STXBP4: variants seen among roughly 807,000 people sequenced by gnomAD.
STXBP4 encodes the protein syntaxin-binding protein 4.
Under a neutral mutation model 76.1 loss-of-function variants are expected in STXBP4, and 55 were observed. The observed-to-expected ratio is 0.72, with a 90% CI of 0.58 to 0.91. The LOEUF (loss-of-function observed/expected upper bound fraction) is 0.91, where lower values mean the gene tolerates loss of function less well. Among genes scored for constraint, STXBP4 ranks in the 40% least tolerant of loss-of-function variants. STXBP4 has a pLI of 0.00. For missense variants in STXBP4, 618 were observed against 636.9 expected, an observed-to-expected ratio of 0.97 and a Z score of 0.32; for synonymous variants, 201 against 220.2, an observed-to-expected ratio of 0.91 and a Z score of 0.77.
chr17:55,141,292 G>A lies in STXBP4; in HGVS notation c.1490-18G>A, dbSNP rs778170537. ...TTATCATCTTATTAAATATATTTTT[G>A]GTTTCCTTTCACTGTAGGTTTACCT... On this transcript the variant is annotated intron_variant, in intron 16 of 17. Coordinates refer to ENST00000376352, the MANE Select transcript of STXBP4 (RefSeq NM_178509.6). 6 of 1,596,474 alleles carry A rather than the reference G, an allele frequency of 3.8e-6. No individual in the cohort carries two copies. The highest frequency in any genetic ancestry group is 4.3e-6 in the Non-Finnish European group (5 of 1,168,390).
At position 54,999,349 on chromosome 17, in the gene STXBP4, G is replaced by C. The variant is rs1220990772; in HGVS notation, c.185G>C (p.Gly62Ala). The change falls in exon 5 of 18, where the codon GGT becomes GCT. Residue 62 changes from glycine (G) to alanine (A), a missense_variant. Coordinates refer to ENST00000376352, the MANE Select transcript of STXBP4 (RefSeq NM_178509.6). ...IIPGGDCYKDGRLKPGDQLVS... is the reference protein window; with the variant it reads ...IIPGGDCYKDARLKPGDQLVS... Reference sequence around the variant, plus strand: ...AAATGTTACTGTTTTTGTTAGGATGGTCGTTTGAAGCCAGGAGATCAACTT... The same window carrying C: ...AAATGTTACTGTTTTTGTTAGGATGCTCGTTTGAAGCCAGGAGATCAACTT... 1 of 1,607,154 alleles carries C rather than the reference G, an allele frequency of 6.2e-7. No individual in the cohort carries two copies.
intron 4 of STXBP4, among the ~76,000 whole-genome samples, chr17:54,994,928 C>G (rs1266163721): frequency 6.6e-6 from 1 of 151,956 alleles, no homozygotes; most frequent in Non-Finnish European, 1.5e-5. Context: ...GTGTTGCCTG[C>G]TTTCCCCCAG....
intron 15 of STXBP4, among the ~76,000 whole-genome samples, chr17:55,080,146 T>C (rs1215258318): frequency 6.6e-6 from 1 of 152,200 alleles, no homozygotes; most frequent in East Asian, 1.9e-4. Flanking sequence ...TTAAAATGAC[T>C]ATTTAAAAGC....
intron 12 of STXBP4, among the ~76,000 whole-genome samples, chr17:55,066,173 A>G (rs2079048366): frequency 6.6e-6 from 1 of 151,844 alleles, no homozygotes; most frequent in South Asian, 2.1e-4. Flanking sequence ...TGTATTTCTC[A>G]TGATGGAAAA....
intron 16 of STXBP4, among the ~76,000 whole-genome samples, chr17:55,129,149 C>CGATCT (rs1438291183): frequency 6.6e-6 from 1 of 151,210 alleles, no homozygotes; most frequent in Non-Finnish European, 1.5e-5. Flanking sequence ...AGGATGGTCT[C>CGATCT]GATCTCTTCA....
intron 15 of STXBP4, among the ~76,000 whole-genome samples, chr17:55,079,563 G>C (rs2079230704): frequency 6.9e-6 from 1 of 145,042 alleles, no homozygotes; most frequent in African/African-American, 2.6e-5. Flanking sequence ...TTTGAGACAA[G>C]GAACATAGTG....
At chr17:54,992,658 A>G (rs1484395436) in intron 4 of STXBP4, among the ~76,000 whole-genome samples, 1 of 150,402 alleles carries the variant, frequency 6.6e-6, no homozygotes, top group African/African-American at 2.4e-5. Context: ...ACTTGATATA[A>G]TGCAATAGTA....
At chr17:55,001,991 G>T (rs1055592882) in intron 7 of STXBP4, among the ~76,000 whole-genome samples, 2 of 152,158 alleles carry the variant, frequency 1.3e-5, no homozygotes, top group African/African-American at 4.8e-5. Context: ...AGTTTCCTCC[G>T]ATTTGGGGTG....
intron 8 of STXBP4, among the ~76,000 whole-genome samples, chr17:55,029,428 T>C (rs926346143): frequency 6.6e-6 from 1 of 151,974 alleles, no homozygotes; most frequent in African/African-American, 2.4e-5. Context: ...ATTGAAAATA[T>C]ATACATAAAT....
chr17:54,982,116 A>G (rs1598151706), intron 1 of STXBP4, among the ~76,000 whole-genome samples: 1 of 152,238 alleles, frequency 6.6e-6, no homozygotes, highest in South Asian at 2.1e-4. Context: ...CAATTTCATT[A>G]TGGCATTTTT....
chr17:55,174,188 G>A (rs2080420132), downstream of STXBP4, among the ~76,000 whole-genome samples: 1 of 152,172 alleles, frequency 6.6e-6, no homozygotes, highest in African/African-American at 2.4e-5. Context: ...ACATCTTCAT[G>A]TGATCTGGAA....
At chr17:55,090,564 T>C (rs1174280060) in intron 16 of STXBP4, among the ~76,000 whole-genome samples, 1 of 152,088 alleles carries the variant, frequency 6.6e-6, no homozygotes, top group Non-Finnish European at 1.5e-5. Context: ...CAGTTCTGAG[T>C]AGAGAGCTCT....
chr17:54,968,800 G>A lies in STXBP4; in HGVS notation c.-172G>A, dbSNP rs1249172580. 3 of 807,232 alleles carry A rather than the reference G, an allele frequency of 3.7e-6. No homozygotes were observed. The highest frequency in any genetic ancestry group is 3.9e-6 in the Non-Finnish European group (2 of 513,236). The allele number at this position is 807,232 out of a possible 1,614,324, so 50.0% of individuals were successfully genotyped here. A position where few individuals can be genotyped will look rare whatever the true frequency, so the allele number is the denominator to read the frequency against. ...GCTTGCAGTCGGGCTACGGAGGCCG[G>A]GTTGCCAGATTACGGGTAAGTTTGC... On this transcript the variant is annotated 5_prime_UTR_variant, in exon 1 of 18. Transcript: ENST00000376352.
At chr17:54,978,106 A>G (rs1174633033) in intron 1 of STXBP4, among the ~76,000 whole-genome samples, 1 of 152,196 alleles carries the variant, frequency 6.6e-6, no homozygotes, top group East Asian at 1.9e-4. Flanking sequence ...GTATATTTTA[A>G]AAAGAAAATC....
intron 16 of STXBP4, among the ~76,000 whole-genome samples, chr17:55,114,345 T>A (rs943606115): frequency 2.6e-5 from 4 of 152,040 alleles, no homozygotes; most frequent in Non-Finnish European, 4.4e-5. Context: ...GCCCTCATAT[T>A]TAAGTCAAAT....
chr17:54,988,818 G>A lies in STXBP4; in HGVS notation c.48-2007G>A, dbSNP rs142789186. Among the ~76,000 whole-genome samples, 519 of 152,152 alleles carry A rather than the reference G, an allele frequency of 3.4e-3. 1 individual carries two copies. The highest frequency in any genetic ancestry group is 0.012 in the African/African-American group (484 of 41,512). On this transcript the variant is annotated intron_variant, in intron 3 of 17. Coordinates refer to ENST00000376352, the MANE Select transcript of STXBP4 (RefSeq NM_178509.6). ...ATTTAGGGTGCATTTTGGACCCTTGGACCCTGTCCTCTCTGCCTTTTTTCT... is the reference window on the plus strand; with the variant it reads ...ATTTAGGGTGCATTTTGGACCCTTGAACCCTGTCCTCTCTGCCTTTTTTCT...
intron 8 of STXBP4, among the ~76,000 whole-genome samples, chr17:55,008,909 A>C (rs189906255): frequency 6.6e-6 from 1 of 152,334 alleles, no homozygotes; most frequent in African/African-American, 2.4e-5. Flanking sequence ...ACTTTGAGGC[A>C]GCATGTCCTG....
At chr17:55,090,648 G>T (rs2079398886) in intron 16 of STXBP4, among the ~76,000 whole-genome samples, 2 of 151,894 alleles carry the variant, frequency 1.3e-5, no homozygotes, top group South Asian at 4.2e-4. Context: ...TCTCATTCAG[G>T]CTATTCTAGC....
intron 16 of STXBP4, among the ~76,000 whole-genome samples, chr17:55,139,500 TAC>T (rs1204489209): frequency 6.6e-6 from 1 of 152,164 alleles, no homozygotes; most frequent in African/African-American, 2.4e-5. Flanking sequence ...GGTTCTTAGG[TAC>T]AGTCATCATT....
Sources: gnomAD v4.1 joint callset for allele counts (sites outside exome capture counted in the v4.1 genomes callset) on GRCh38, gnomAD v4.1.1 for gene constraint, MANE v1.5 for transcripts, NCBI Gene and HGNC (gene_info 2026-07-23, HGNC 2026-07-21) for gene names.